DYM: variants seen among roughly 807,000 people sequenced by gnomAD.
DYM encodes the protein dyggve-Melchior-Clausen syndrome protein.
Under a neutral mutation model 93.1 loss-of-function variants are expected in DYM, and 78 were observed. The observed-to-expected ratio is 0.84, with a 90% CI of 0.70 to 1.01. DYM has a LOEUF of 1.01. Ranked by LOEUF, DYM falls within the 50% of genes least tolerant of loss-of-function variation. The pLI is 0.00. For synonymous variants in DYM, 321 were observed against 319.7 expected, an observed-to-expected ratio of 1.00 and a Z score of -0.04; for missense variants, 789 against 845.0, an observed-to-expected ratio of 0.93 and a Z score of 0.82.
intron 14 of DYM, among the ~76,000 whole-genome samples, chr18:49,202,261 G>A (rs997945806): frequency 6.6e-5 from 10 of 152,182 alleles, no homozygotes; most frequent in Non-Finnish European, 1.3e-4. Flanking sequence ...GCGACCTTTT[G>A]GTCAGAGCAA....
chr18:49,165,918 T>C (rs113306069), intron 14 of DYM, among the ~76,000 whole-genome samples: 6 of 152,144 alleles, frequency 3.9e-5, no homozygotes, highest in Admixed American at 2.6e-4. Context: ...CACTTCCAAA[T>C]AGAAGGCAAA....
At chr18:49,059,206 G>A (rs752916975) in intron 17 of DYM, among the ~76,000 whole-genome samples, 41 of 152,186 alleles carry the variant, frequency 2.7e-4, no homozygotes, top group Non-Finnish European at 5.0e-4. Context: ...CACCATGTAA[G>A]GACACAGCTA....
chr18:49,202,727 G>A lies in DYM; in HGVS notation c.1625+6824C>T, dbSNP rs1456281031. 1.7e-4 allele frequency among the ~76,000 whole-genome samples: 10 copies of A among 58,168 alleles called. 1 individual carries two copies. Among genetic ancestry groups the A allele is most frequent in the Non-Finnish European group, 2.5e-4 (7 of 28,568 alleles). The allele number at this position is 58,168 out of a possible 152,430, so 38.2% of individuals were successfully genotyped here. A position where few individuals can be genotyped will look rare whatever the true frequency, so the allele number is the denominator to read the frequency against. On this transcript the variant is annotated intron_variant, in intron 14 of 17. Transcript: ENST00000675505. ...AGGAGCGTCTATGCCTGGCCGCCCC[G>A]TCTGAGAAGTGAGGAGACCCTCTGC...
chr18:49,327,602 C>A (rs2062993826), intron 8 of DYM, among the ~76,000 whole-genome samples: 1 of 152,126 alleles, frequency 6.6e-6, no homozygotes, highest in Non-Finnish European at 1.5e-5. Flanking sequence ...AGCGATCCAC[C>A]CACGTCAGCC....
intron 8 of DYM, 69 bp downstream of exon 8, chr18:49,331,795 G>C (rs984579562): frequency 3.2e-6 from 5 of 1,576,592 alleles, no homozygotes; most frequent in Non-Finnish European, 3.5e-6. Context: ...CAAGCAAACA[G>C]AATTTCTTAT....
In DYM at chr18:49,313,478, AAAAAAAAAAAAAAAAAAAAG is replaced by A. The variant is rs1259175071; in HGVS notation, c.763+18366_763+18385del. 4.9e-5 allele frequency among the ~76,000 whole-genome samples: 7 copies of A among 143,914 alleles called. No individual in the cohort carries two copies. In the East Asian group the frequency reaches 1.7e-3, roughly 34 times the overall value. The allele number at this position is 143,914 out of a possible 152,430, so 94.4% of individuals were successfully genotyped here. A position where few individuals can be genotyped will look rare whatever the true frequency, so the allele number is the denominator to read the frequency against. ...ACTCTGTCACAAAAAAAAAAAAAAA[AAAAAAAAAAAAAAAAAAAAG>A]GGCTGCAGTAAAAAACCTGGCCAAA... is the stretch of plus-strand genomic sequence containing the variant. On this transcript the variant is annotated intron_variant, in intron 8 of 17. Coordinates refer to ENST00000675505, the MANE Select transcript of DYM (RefSeq NM_001353214.3).
intron 8 of DYM, among the ~76,000 whole-genome samples, chr18:49,288,539 G>A (rs754620844): frequency 6.6e-6 from 1 of 152,142 alleles, no homozygotes; most frequent in Non-Finnish European, 1.5e-5. Context: ...AGCACTTTGG[G>A]AGGCTAAGGC....
At chr18:49,342,355 A>G (rs2064230710) in intron 6 of DYM, among the ~76,000 whole-genome samples, 1 of 152,204 alleles carries the variant, frequency 6.6e-6, no homozygotes, top group Non-Finnish European at 1.5e-5. Context: ...ATAATGAATG[A>G]CAGTCTCTCC....
chr18:49,103,263 G>GTTT (rs991353845), intron 16 of DYM, among the ~76,000 whole-genome samples: 11 of 152,184 alleles, frequency 7.2e-5, no homozygotes, highest in African/African-American at 2.4e-4. Context: ...TGGTGGGGTT[G>GTTT]TTTTTTTCTT....
At chr18:49,282,328 T>A (rs2145751369) in intron 9 of DYM, among the ~76,000 whole-genome samples, 153 bp from the exon 10 acceptor site, 1 of 152,332 alleles carries the variant, frequency 6.6e-6, no homozygotes, top group South Asian at 2.1e-4. Flanking sequence ...TAAAATTTAC[T>A]TTAGGGCCAG....
intron 5 of DYM, among the ~76,000 whole-genome samples, chr18:49,367,610 A>G (rs1045399865): frequency 6.6e-6 from 1 of 152,232 alleles, no homozygotes; most frequent in African/African-American, 2.4e-5. Context: ...GATCATTAGA[A>G]AACAAAGCAA....
intron 13 of DYM, among the ~76,000 whole-genome samples, chr18:49,234,224 G>A (rs2093794339): frequency 1.3e-5 from 2 of 152,178 alleles, no homozygotes; most frequent in Non-Finnish European, 2.9e-5. Context: ...GGAGGTCGAG[G>A]TAGGAGGATT....
At chr18:49,050,251 T>C (rs1307781453) in intron 17 of DYM, among the ~76,000 whole-genome samples, 1 of 151,506 alleles carries the variant, frequency 6.6e-6, no homozygotes, top group African/African-American at 2.4e-5. Flanking sequence ...CATGCCCGGC[T>C]AGTTTTTTTT....
intron 3 of DYM, among the ~76,000 whole-genome samples, chr18:49,383,507 G>A (rs2068254527): frequency 6.6e-6 from 1 of 152,080 alleles, no homozygotes; most frequent in African/African-American, 2.4e-5. Flanking sequence ...AATTAGGTTG[G>A]GAAACTATAT....
intron 9 of DYM, among the ~76,000 whole-genome samples, chr18:49,285,333 A>C (rs2095097131): frequency 6.6e-6 from 1 of 152,192 alleles, no homozygotes; most frequent in Non-Finnish European, 1.5e-5. Flanking sequence ...GCCCATCAGA[A>C]GGCTTACAAA....
chr18:49,062,578 C>T (rs1490456154), intron 17 of DYM, among the ~76,000 whole-genome samples: 1 of 152,232 alleles, frequency 6.6e-6, no homozygotes, highest in African/African-American at 2.4e-5. Context: ...ACTCCAGGTG[C>T]TTTGCACCAA....
At chr18:49,295,285 C>G (rs373882461) in intron 8 of DYM, among the ~76,000 whole-genome samples, 4 of 152,278 alleles carry the variant, frequency 2.6e-5, no homozygotes, top group East Asian at 1.9e-4. Context: ...ATACCATGCT[C>G]CCTTTCTTCT....
At chr18:49,184,222 A>G (rs1394931866) in intron 14 of DYM, among the ~76,000 whole-genome samples, 1 of 126,608 alleles carries the variant, frequency 7.9e-6, no homozygotes, top group Non-Finnish European at 1.7e-5. Context: ...GGGAAAAACA[A>G]AAAAACAAAA....
intron 17 of DYM, among the ~76,000 whole-genome samples, chr18:49,064,207 A>C (rs1180748777): frequency 1.3e-5 from 2 of 152,188 alleles, no homozygotes; most frequent in East Asian, 3.9e-4. Flanking sequence ...ATCTAATCAG[A>C]ACAACTGCCA....
Sources: allele counts gnomAD v4.1 joint callset (sites outside exome capture counted in the v4.1 genomes callset), GRCh38; gene constraint gnomAD v4.1.1; transcripts MANE v1.5; gene names NCBI Gene and HGNC (gene_info 2026-07-23, HGNC 2026-07-21).